Variants in MBD2 observed in about 807,000 individuals in gnomAD.
The protein encoded by MBD2 is methyl-CpG binding domain protein 2.
In MBD2, 9 loss-of-function variants were observed where a neutral mutation model predicts 39.3. That is an observed-to-expected ratio of 0.23 (90% CI 0.14 to 0.40). The LOEUF is 0.40. MBD2 is among the 10% of genes least tolerant of loss of function. MBD2 has a pLI of 1.00. For synonymous variants in MBD2, 233 were observed against 211.1 expected (o/e 1.10, Z -0.90); for missense variants, 458 against 532.6 (o/e 0.86, Z 1.38).
Position 54,224,614 on chromosome 18 carries a change from C to G in MBD2, c.-55G>C. 4 of 1,182,816 alleles carry G rather than the reference C, an allele frequency of 3.4e-6. No individual in the cohort carries two copies. Among genetic ancestry groups the G allele is most frequent in the Non-Finnish European group, 4.2e-6 (4 of 944,230 alleles). The allele number at this position is 1,182,816 out of a possible 1,614,324, so 73.3% of individuals were successfully genotyped here. A position where few individuals can be genotyped will look rare whatever the true frequency, so the allele number is the denominator to read the frequency against. On this transcript the variant is annotated 5_prime_UTR_variant, in exon 1 of 7. Transcript: ENST00000256429. ...TCTTCCGTAACCGAGCCCTTGGAATCCCGGAGACCCGCCCCGCCCGCAGCG... is the reference window on the plus strand; with the variant it reads ...TCTTCCGTAACCGAGCCCTTGGAATGCCGGAGACCCGCCCCGCCCGCAGCG...
At chr18:54,177,789 C>T (rs1267904707) in intron 3 of MBD2, among the ~76,000 whole-genome samples, 1 of 147,596 alleles carries the variant, frequency 6.8e-6, no homozygotes, top group African/African-American at 2.5e-5. Context: ...CCTATTCTTT[C>T]TGTAGGACAC....
At chr18:54,165,737 G>A (rs1409122457) in intron 4 of MBD2, among the ~76,000 whole-genome samples, 1 of 152,182 alleles carries the variant, frequency 6.6e-6, no homozygotes, top group Non-Finnish European at 1.5e-5. Context: ...GTTGCTATAA[G>A]CAGGAAGCTT....
chr18:54,179,448 G>C (rs1265504817), intron 3 of MBD2, among the ~76,000 whole-genome samples: 3 of 152,026 alleles, frequency 2.0e-5, no homozygotes, highest in African/African-American at 7.2e-5. Context: ...TGAATATAAA[G>C]GCAAAACATC....
At chr18:54,184,311 G>A (rs868327725) in intron 3 of MBD2, among the ~76,000 whole-genome samples, 2 of 152,036 alleles carry the variant, frequency 1.3e-5, no homozygotes, top group Non-Finnish European at 2.9e-5. Flanking sequence ...TCTCACAGAG[G>A]CGCGAACCCC....
intron 6 of MBD2, among the ~76,000 whole-genome samples, chr18:54,155,622 C>CAAAGGG (rs373113102): frequency 2.6e-5 from 4 of 152,270 alleles, no homozygotes; most frequent in Non-Finnish European, 4.4e-5. Context: ...AAAGAGAATT[C>CAAAGGG]AAAGGGCATA....
At chr18:54,204,205 T>C (rs2086430881) in intron 2 of MBD2, among the ~76,000 whole-genome samples, 2 of 152,278 alleles carry the variant, frequency 1.3e-5, no homozygotes, top group Middle Eastern at 3.4e-3. Context: ...GTGAAGACAA[T>C]GGTGGTGGCA....
intron 2 of MBD2, among the ~76,000 whole-genome samples, chr18:54,203,747 T>G (rs1326454328): frequency 2.6e-5 from 4 of 152,016 alleles, no homozygotes; most frequent in Admixed American, 6.5e-5. Flanking sequence ...GCAAGAGAGC[T>G]CGGGTCAGAA....
intron 3 of MBD2, among the ~76,000 whole-genome samples, chr18:54,184,126 C>G (rs1180096043): frequency 2.0e-5 from 3 of 151,768 alleles, no homozygotes; most frequent in Non-Finnish European, 2.9e-5. Flanking sequence ...TGAATTACTT[C>G]CCCCCACCCA....
Position 54,157,211 on chromosome 18 carries a change from T to C in MBD2, c.*13-1900A>G, listed in dbSNP as rs545087467. 7.2e-5 allele frequency among the ~76,000 whole-genome samples: 11 copies of C among 152,104 alleles called. No individual in the cohort carries two copies. The East Asian group carries it at 1.9e-3, about 27-fold the overall frequency. On this transcript the variant is annotated intron_variant, in intron 6 of 6. Coordinates refer to ENST00000256429, the MANE Select transcript of MBD2 (RefSeq NM_003927.5). ...AGTATCAACACAGCATCTTCATGTC[T>C]TCAATAAGGGAAGAGAAAAGAGCTA...
rs181971445 is a variant in MBD2 at position 54,182,830 on chromosome 18, G to A, written c.840+6044C>T. Reference sequence around the variant, plus strand: ...ACCTGTGGTCCCGGCTACTCAGGAGGCTGAGGTGGGAGCATCACTTGAGCC... The same window carrying A: ...ACCTGTGGTCCCGGCTACTCAGGAGACTGAGGTGGGAGCATCACTTGAGCC... On this transcript the variant is annotated intron_variant, in intron 3 of 6. Coordinates refer to ENST00000256429, the MANE Select transcript of MBD2 (RefSeq NM_003927.5). Among the ~76,000 whole-genome samples, 46 of 152,220 alleles carry A rather than the reference G, an allele frequency of 3.0e-4. No individual in the cohort carries two copies. The East Asian group carries it at 8.1e-3, about 27-fold the overall frequency.
chr18:54,190,826 G>A (rs1004836269), intron 2 of MBD2, among the ~76,000 whole-genome samples: 2 of 151,998 alleles, frequency 1.3e-5, no homozygotes, highest in African/African-American at 2.4e-5. Flanking sequence ...CTGAAGCTTC[G>A]TAAAGCCATA....
intron 4 of MBD2, among the ~76,000 whole-genome samples, chr18:54,165,162 TA>T (rs1189075945): frequency 6.6e-6 from 1 of 152,230 alleles, no homozygotes; most frequent in Non-Finnish European, 1.5e-5. Context: ...CTTTTAACAT[TA>T]ATTTCCAGCA....
intron 5 of MBD2, among the ~76,000 whole-genome samples, chr18:54,160,299 A>C (rs2086086434): frequency 1.3e-5 from 2 of 152,224 alleles, no homozygotes; most frequent in South Asian, 4.1e-4. Context: ...TGTTCATAGA[A>C]GCACTGAGAA....
At chr18:54,214,647 A>C (rs930478301) in intron 1 of MBD2, among the ~76,000 whole-genome samples, 1 of 152,186 alleles carries the variant, frequency 6.6e-6, no homozygotes, top group Non-Finnish European at 1.5e-5. Flanking sequence ...AACGAAGAGA[A>C]AGGAGCTAAC....
chr18:54,190,271 C>A (rs2086311809), intron 2 of MBD2, among the ~76,000 whole-genome samples: 1 of 152,120 alleles, frequency 6.6e-6, no homozygotes, highest in African/African-American at 2.4e-5. Flanking sequence ...AATCCATTCC[C>A]AGCCTAAGCC....
In MBD2 at chr18:54,159,120, C is replaced by T. The variant is rs540253182; in HGVS notation, c.*12+645G>A. On this transcript the variant is annotated intron_variant, in intron 6 of 6. Coordinates refer to ENST00000256429, the MANE Select transcript of MBD2 (RefSeq NM_003927.5). ...TGATGGAGATGACAGTCACCTTCTTCTTCTGGGGCCGTTCCTCCCTACATG... is the reference window on the plus strand; with the variant it reads ...TGATGGAGATGACAGTCACCTTCTTTTTCTGGGGCCGTTCCTCCCTACATG... 1.2e-4 allele frequency among the ~76,000 whole-genome samples: 18 copies of T among 152,236 alleles called. No homozygotes were observed. The South Asian group carries it at 3.5e-3, about 30-fold the overall frequency.
intron 2 of MBD2, among the ~76,000 whole-genome samples, chr18:54,190,837 T>G (rs971780431): frequency 6.6e-6 from 1 of 152,224 alleles, no homozygotes; most frequent in Non-Finnish European, 1.5e-5. Context: ...TAAAGCCATA[T>G]AACTTATTTA....
intron 5 of MBD2, among the ~76,000 whole-genome samples, chr18:54,161,526 G>A (rs1244303494): frequency 1.3e-5 from 2 of 152,188 alleles, no homozygotes; most frequent in African/African-American, 4.8e-5. Flanking sequence ...AAGAGTACAA[G>A]AATCTTCACA....
At chr18:54,175,651 TAG>T (rs1237253600) in intron 3 of MBD2, among the ~76,000 whole-genome samples, 3 of 152,196 alleles carry the variant, frequency 2.0e-5, no homozygotes, top group Admixed American at 1.3e-4. Flanking sequence ...CTCCCACTAG[TAG>T]AGAGAACTTG....
Sources: gnomAD v4.1 joint callset for allele counts (sites outside exome capture counted in the v4.1 genomes callset) on GRCh38, gnomAD v4.1.1 for gene constraint, MANE v1.5 for transcripts, NCBI Gene and HGNC (gene_info 2026-07-23, HGNC 2026-07-21) for gene names.